Variants in ZNF407 observed in about 807,000 individuals in gnomAD.
ZNF407 encodes the protein zinc finger protein 407.
In ZNF407, 17 loss-of-function variants were observed where a neutral mutation model predicts 131.2. The observed-to-expected ratio is 0.13, with a 90% CI of 0.09 to 0.19. The LOEUF (loss-of-function observed/expected upper bound fraction) is 0.19. Among genes scored for constraint, ZNF407 ranks in the 10% least tolerant of loss-of-function variants. The pLI, the probability that ZNF407 is intolerant of heterozygous loss-of-function variation, is 1.00. For synonymous variants in ZNF407, 1,156 were observed against 1,062.0 expected (o/e 1.09, Z -1.72); for missense variants, 2,681 against 2,830.6 (o/e 0.95, Z 1.20).
intron 8 of ZNF407, among the ~76,000 whole-genome samples, chr18:75,007,143 G>C (rs78393522): frequency 0.018 from 2,811 of 152,082 alleles, 95 homozygotes; most frequent in African/African-American, 0.063. Context: ...GTTTTGGCTG[G>C]AGCATTTGGG....
At chr18:74,834,341 A>G (rs1016586462) in intron 4 of ZNF407, among the ~76,000 whole-genome samples, 2 of 152,206 alleles carry the variant, frequency 1.3e-5, no homozygotes, top group Non-Finnish European at 2.9e-5. Flanking sequence ...CTTCTTAGCT[A>G]CTTTATGTCT....
intron 8 of ZNF407, among the ~76,000 whole-genome samples, chr18:74,942,013 G>A (rs1250907189): frequency 6.6e-6 from 1 of 152,192 alleles, no homozygotes; most frequent in Admixed American, 6.5e-5. Context: ...TGCTCCATGT[G>A]TTGGGTTGAA....
At chr18:74,702,456 A>G (rs1274423841) in intron 3 of ZNF407, among the ~76,000 whole-genome samples, 1 of 152,210 alleles carries the variant, frequency 6.6e-6, no homozygotes, top group Non-Finnish European at 1.5e-5. Context: ...CACATATTAC[A>G]GTATTATCAG....
At chr18:74,973,152 G>A (rs73971326) in intron 8 of ZNF407, among the ~76,000 whole-genome samples, 23 of 151,846 alleles carry the variant, frequency 1.5e-4, no homozygotes, top group African/African-American at 4.1e-4. Context: ...GTGTGTGTGT[G>A]TATAAACATT....
chr18:75,025,827 T>A (rs1973164618), intron 8 of ZNF407, among the ~76,000 whole-genome samples: 1 of 152,220 alleles, frequency 6.6e-6, no homozygotes, highest in Non-Finnish European at 1.5e-5. Context: ...CTGCCAAGTG[T>A]GCGTGTTCCC....
At chr18:74,982,069 A>C (rs1039945908) in intron 8 of ZNF407, among the ~76,000 whole-genome samples, 10 of 152,238 alleles carry the variant, frequency 6.6e-5, no homozygotes, top group Admixed American at 5.9e-4. Context: ...TGGTTTTCAG[A>C]GAGCTACCAA....
intron 3 of ZNF407, among the ~76,000 whole-genome samples, chr18:74,755,728 C>CCTTTCTTTTCTTT (rs1555684066): frequency 1.6e-5 from 1 of 63,468 alleles, no homozygotes; most frequent in Non-Finnish European, 2.8e-5. Context: ...TTCTTTCTTT[C>CCTTTCTTTTCTTT]CTTTCTTTCT....
intron 8 of ZNF407, among the ~76,000 whole-genome samples, chr18:74,996,548 G>A (rs1430744914): frequency 1.3e-5 from 2 of 152,308 alleles, no homozygotes; most frequent in East Asian, 1.9e-4. Context: ...CTCTGATTTC[G>A]TTATTCAACC....
At chr18:74,716,355 C>G (rs986377206) in intron 3 of ZNF407, among the ~76,000 whole-genome samples, 1 of 152,078 alleles carries the variant, frequency 6.6e-6, no homozygotes, top group Non-Finnish European at 1.5e-5. Flanking sequence ...TTCTTATATT[C>G]CTCTTATTTC....
Position 75,018,836 on chromosome 18 carries a change from A to G in ZNF407, c.5429-44314A>G, listed in dbSNP as rs554920433. On this transcript the variant is annotated intron_variant, in intron 8 of 8. Transcript: ENST00000299687. ...AATTGCAGATTTTGCAAATTTGGAA[A>G]ACTTCAGGAGTAAATTTGTTGAGTC... Among the ~76,000 whole-genome samples the G allele has an allele frequency of 2.6e-5, 4 of 152,230 alleles. No homozygotes were observed. The South Asian group carries it at 8.3e-4, about 32-fold the overall frequency.
At chr18:74,962,452 G>C (rs1469869962) in intron 8 of ZNF407, among the ~76,000 whole-genome samples, 2 of 152,222 alleles carry the variant, frequency 1.3e-5, no homozygotes, top group Non-Finnish European at 2.9e-5. Flanking sequence ...CCAGGGGCTA[G>C]AGCAGGATCT....
chr18:74,979,156 C>G (rs1344371359), intron 8 of ZNF407, among the ~76,000 whole-genome samples: 1 of 152,054 alleles, frequency 6.6e-6, no homozygotes, highest in Non-Finnish European at 1.5e-5. Flanking sequence ...AGAAGTAGAA[C>G]CTGTACCCGC....
At chr18:74,769,431 A>G (rs552101853) in intron 3 of ZNF407, among the ~76,000 whole-genome samples, 11 of 151,232 alleles carry the variant, frequency 7.3e-5, no homozygotes, top group Non-Finnish European at 1.5e-4. Flanking sequence ...TCCAATGAGT[A>G]TCTCTTATGA....
chr18:74,857,525 A>G (rs2145154594), intron 4 of ZNF407, among the ~76,000 whole-genome samples: 1 of 152,252 alleles, frequency 6.6e-6, no homozygotes, highest in South Asian at 2.1e-4. Context: ...GTTTAATTTT[A>G]AATCTTTTGA....
intron 8 of ZNF407, among the ~76,000 whole-genome samples, chr18:75,021,540 A>G (rs9953275): frequency 0.17 from 25,438 of 152,070 alleles, 2,339 homozygotes; most frequent in Admixed American, 0.28. Context: ...AAAGTGCTGG[A>G]ATTACAGGCA....
chr18:74,748,860 G>A (rs529134631), intron 3 of ZNF407, among the ~76,000 whole-genome samples: 2 of 152,226 alleles, frequency 1.3e-5, no homozygotes, highest in East Asian at 1.9e-4. Context: ...TGACAGACAC[G>A]AAAGCCGTTG....
chr18:74,668,821 A>G (rs1986028653), intron 3 of ZNF407, among the ~76,000 whole-genome samples: 1 of 152,044 alleles, frequency 6.6e-6, no homozygotes, highest in African/African-American at 2.4e-5. Flanking sequence ...TTTCAGTTTC[A>G]TAGAACTTAG....
intron 8 of ZNF407, among the ~76,000 whole-genome samples, chr18:75,028,707 G>C (rs893968342): frequency 3.0e-4 from 45 of 152,192 alleles, no homozygotes; most frequent in Admixed American, 4.6e-4. Context: ...TGAGAGGCAA[G>C]TACTCCTACA....
chr18:74,671,380 G>A (rs1986134165), intron 3 of ZNF407, among the ~76,000 whole-genome samples: 1 of 151,576 alleles, frequency 6.6e-6, no homozygotes, highest in Non-Finnish European at 1.5e-5. Context: ...TAACTTTTAG[G>A]TTACGGGGTA....
Sources: allele counts gnomAD v4.1 joint callset (sites outside exome capture counted in the v4.1 genomes callset), GRCh38; gene constraint gnomAD v4.1.1; transcripts MANE v1.5; gene names NCBI Gene and HGNC (gene_info 2026-07-23, HGNC 2026-07-21).